The following SETBP1 variants were observed in gnomAD, a reference collection of about 807,000 sequenced individuals.
The protein encoded by SETBP1 is SET-binding protein.
A neutral mutation model predicts 101.0 loss-of-function variants in SETBP1; 9 were observed. The ratio of observed to expected loss-of-function variants is 0.09; its 90% CI spans 0.05 to 0.16. The LOEUF is 0.16. SETBP1 is among the 10% of genes least tolerant of loss of function. The pLI is 1.00. For missense variants in SETBP1, 1,858 were observed against 2,033.8 expected (o/e 0.91, Z 1.66); for synonymous variants, 818 against 788.5 (o/e 1.04, Z -0.63).
intron 4 of SETBP1, among the ~76,000 whole-genome samples, chr18:44,963,229 A>G (rs2071648543): frequency 6.6e-6 from 1 of 152,168 alleles, no homozygotes; most frequent in Non-Finnish European, 1.5e-5. Context: ...TTATCCCTAA[A>G]GAACTCTTGC....
intron 3 of SETBP1, chr18:44,877,072 T>C: frequency 1.9e-6 from 2 of 1,048,504 alleles, no homozygotes; most frequent in Non-Finnish European, 2.3e-6. Flanking sequence ...CTAGGCCTTT[T>C]TTCTAGCTTG....
At chr18:44,718,678 G>T (rs2069519308) in intron 2 of SETBP1, among the ~76,000 whole-genome samples, 3 of 152,178 alleles carry the variant, frequency 2.0e-5, no homozygotes, top group Admixed American at 2.0e-4. Context: ...TTGTCCCTCA[G>T]ATGTTGCAAG....
intron 3 of SETBP1, among the ~76,000 whole-genome samples, chr18:44,911,363 A>G (rs957945678): frequency 1.3e-5 from 2 of 152,208 alleles, no homozygotes; most frequent in African/African-American, 4.8e-5. Context: ...AACAGCGATT[A>G]CTTTTGCACC....
Position 44,950,080 on chromosome 18 carries a change from G to T in SETBP1, c.740G>T (p.Ser247Ile). Reference protein sequence around the residue: ...ISPESGRETASTSKIPALEPV... With the variant: ...ISPESGRETAITSKIPALEPV... ...CCAGAGTCTGGCAGAGAAACTGCAA[G>T]CACCAGCAAGATCCCCGCTCTTGAG... The change falls in exon 4 of 6, where the codon AGC (serine) becomes ATC (isoleucine). Residue 247 changes from serine (S) to isoleucine (I), a missense_variant. This residue lies in a region of SETBP1 where 581 missense variants were observed against 535.1 expected (regional missense o/e 1.09). Transcript: ENST00000649279. 6.2e-7 allele frequency: 1 copy of T among 1,614,204 alleles called. No homozygotes were observed. Among genetic ancestry groups the T allele is most frequent in the Non-Finnish European group, 8.5e-7 (1 of 1,180,052 alleles).
intron 2 of SETBP1, among the ~76,000 whole-genome samples, chr18:44,740,259 A>G (rs2070066127): frequency 6.6e-6 from 1 of 152,134 alleles, no homozygotes; most frequent in Non-Finnish European, 1.5e-5. Flanking sequence ...CAGCTTGGGA[A>G]GGTTGCCCAT....
At chr18:44,790,621 A>G (rs2071349330) in intron 2 of SETBP1, among the ~76,000 whole-genome samples, 1 of 152,240 alleles carries the variant, frequency 6.6e-6, no homozygotes, top group African/African-American at 2.4e-5. Flanking sequence ...ACAGGCCTGT[A>G]AGGCATGGGA....
chr18:45,007,382 T>C (rs1487778661), intron 4 of SETBP1, among the ~76,000 whole-genome samples: 1 of 152,156 alleles, frequency 6.6e-6, no homozygotes, highest in Non-Finnish European at 1.5e-5. Context: ...GAGGGTTTGC[T>C]GATGAAATGG....
At chr18:44,725,478 C>T (rs2069686426) in intron 2 of SETBP1, among the ~76,000 whole-genome samples, 1 of 152,188 alleles carries the variant, frequency 6.6e-6, no homozygotes, top group Non-Finnish European at 1.5e-5. Context: ...CTTGACTCAA[C>T]CATAACCAGC....
intron 4 of SETBP1, among the ~76,000 whole-genome samples, chr18:44,971,189 T>C (rs2145193535): frequency 6.6e-6 from 1 of 152,294 alleles, no homozygotes; most frequent in East Asian, 1.9e-4. Context: ...TCCATGTCCC[T>C]ACAAAGGACA....
At chr18:44,883,688 T>C (rs575865973) in intron 3 of SETBP1, among the ~76,000 whole-genome samples, 4 of 152,346 alleles carry the variant, frequency 2.6e-5, no homozygotes, top group African/African-American at 9.6e-5. Context: ...TGCTTTCTTA[T>C]ACTTGGTGAG....
intron 3 of SETBP1, among the ~76,000 whole-genome samples, chr18:44,900,264 G>A (rs967336757): frequency 1.3e-5 from 2 of 152,158 alleles, no homozygotes; most frequent in Non-Finnish European, 2.9e-5. Flanking sequence ...AGCAATCTGT[G>A]TTTAACACAT....
At chr18:45,055,620 C>T (rs2073796107) in intron 5 of SETBP1, among the ~76,000 whole-genome samples, 1 of 151,850 alleles carries the variant, frequency 6.6e-6, no homozygotes, top group South Asian at 2.1e-4. Context: ...CAGTTTGTTT[C>T]AATACTTGTT....
At chr18:45,053,131 A>G (rs189385812) in intron 5 of SETBP1, among the ~76,000 whole-genome samples, 364 of 139,406 alleles carry the variant, frequency 2.6e-3, no homozygotes, top group African/African-American at 9.5e-3. Flanking sequence ...TTGTTGGGGG[A>G]AAAAAAAAAT....
chr18:44,845,944 G>T (rs370882158), intron 2 of SETBP1, among the ~76,000 whole-genome samples: 2 of 152,200 alleles, frequency 1.3e-5, no homozygotes, highest in African/African-American at 4.8e-5. Context: ...TTTGTGTGAC[G>T]CTGTGTCTGA....
intron 2 of SETBP1, among the ~76,000 whole-genome samples, chr18:44,724,312 C>T (rs1001754150): frequency 6.6e-6 from 1 of 152,032 alleles, no homozygotes; most frequent in Non-Finnish European, 1.5e-5. Flanking sequence ...CATCTTACTG[C>T]TCTAGCGGAC....
intron 4 of SETBP1, among the ~76,000 whole-genome samples, chr18:44,980,589 C>T (rs965434737): frequency 1.1e-4 from 17 of 152,078 alleles, no homozygotes; most frequent in African/African-American, 3.1e-4. Context: ...CTCTTACAAA[C>T]GGAAACTTTG....
chr18:44,817,450 C>T (rs1195351090), intron 2 of SETBP1, among the ~76,000 whole-genome samples: 1 of 152,044 alleles, frequency 6.6e-6, no homozygotes, highest in Non-Finnish European at 1.5e-5. Flanking sequence ...CTTTGGGAGG[C>T]CGAGGCAGGC....
At chr18:44,788,945 G>T (rs2071309767) in intron 2 of SETBP1, among the ~76,000 whole-genome samples, 1 of 151,644 alleles carries the variant, frequency 6.6e-6, no homozygotes, top group Non-Finnish European at 1.5e-5. Context: ...CGGGACTACA[G>T]GCGCACACCA....
chr18:44,950,647 C>T lies in SETBP1; in HGVS notation c.1307C>T (p.Ala436Val). ...GTGGAAAAGATCATGCCAGAGAAAG[C>T]CTTGGCTTCTGGAATCACCATGAGC... The part of the protein sequence containing the change: ...AVVEKIMPEK[A>V]LASGITMSSE... Residue 436 changes from alanine to valine, a missense_variant, in exon 4 of 6, where the codon GCC (alanine) becomes GTC (valine). Physicochemically the swap from Ala to Val is moderately conservative, Grantham distance 64. Transcript: ENST00000649279. The T allele has an allele frequency of 6.2e-7, 1 of 1,614,116 alleles. No homozygotes were observed. The highest frequency in any genetic ancestry group is 8.5e-7 in the Non-Finnish European group (1 of 1,180,032).
Sources: allele counts gnomAD v4.1 joint callset (sites outside exome capture counted in the v4.1 genomes callset), GRCh38; gene constraint gnomAD v4.1.1; regional missense constraint gnomAD v4.1.1; transcripts MANE v1.5; gene names NCBI Gene and HGNC (gene_info 2026-07-23, HGNC 2026-07-21).